CASTOR2: variants seen among roughly 807,000 people sequenced by gnomAD.
The protein encoded by CASTOR2 is GATS protein like 2.
CASTOR2 carries 8 observed loss-of-function variants against 31.2 expected under a neutral mutation model. That is an observed-to-expected ratio of 0.26 (90% CI 0.15 to 0.46). The LOEUF is 0.46. CASTOR2 is among the 20% of genes least tolerant of loss of function. The pLI is 0.99. For missense variants in CASTOR2, 216 were observed against 382.1 expected (o/e 0.57, Z 3.62); for synonymous variants, 162 against 158.7 (o/e 1.02, Z -0.16).
chr7:74,999,686 T>C (rs1804448932), intron 1 of CASTOR2, among the ~76,000 whole-genome samples: 1 of 142,502 alleles, frequency 7.0e-6, no homozygotes, highest in Admixed American at 7.5e-5. Context: ...GGCGTGATCT[T>C]GGCTCACTGC....
At chr7:74,988,156 G>A (rs1804117162) in intron 1 of CASTOR2, among the ~76,000 whole-genome samples, 1 of 150,708 alleles carries the variant, frequency 6.6e-6, no homozygotes, top group Admixed American at 6.6e-5. Context: ...TTGAGACGGA[G>A]TCTGGTTCTG....
intron 2 of CASTOR2, among the ~76,000 whole-genome samples, chr7:75,011,148 G>A (rs1226626806): frequency 6.6e-6 from 1 of 151,668 alleles, no homozygotes; most frequent in Non-Finnish European, 1.5e-5. Context: ...TAGCATTTTG[G>A]CCAGGCACAG....
intron 1 of CASTOR2, among the ~76,000 whole-genome samples, chr7:75,001,769 A>G (rs1275450683): frequency 6.6e-6 from 1 of 152,188 alleles, no homozygotes; most frequent in Non-Finnish European, 1.5e-5. Context: ...CTTGCTTCTG[A>G]GAGCTGTGGT....
chr7:75,018,554 G>A (rs1563063966), intron 4 of CASTOR2, among the ~76,000 whole-genome samples: 2 of 152,058 alleles, frequency 1.3e-5, no homozygotes, highest in Non-Finnish European at 2.9e-5. Flanking sequence ...AAAAAAAAAT[G>A]TGATGGAAAG....
chr7:75,003,042 C>G (rs1481621005), intron 1 of CASTOR2, among the ~76,000 whole-genome samples: 3 of 152,060 alleles, frequency 2.0e-5, no homozygotes, highest in Non-Finnish European at 4.4e-5. Flanking sequence ...GCCAACTGCC[C>G]GGCAATAGGG....
chr7:74,972,370 T>G (rs1330311771), intron 1 of CASTOR2, among the ~76,000 whole-genome samples: 1 of 150,158 alleles, frequency 6.7e-6, no homozygotes, highest in Admixed American at 6.7e-5. Context: ...TCCACCTGCC[T>G]TGGCCTCCCC....
chr7:74,993,970 C>T (rs1217145991), intron 1 of CASTOR2, among the ~76,000 whole-genome samples: 17 of 152,336 alleles, frequency 1.1e-4, no homozygotes, highest in African/African-American at 3.4e-4. Flanking sequence ...GTTGCTGGAA[C>T]GGGACTCTGG....
At position 74,993,117 on chromosome 7, in the gene CASTOR2, G is replaced by A. The variant is rs1188380042; in HGVS notation, c.114-14877G>A. Among the ~76,000 whole-genome samples the A allele has an allele frequency of 1.3e-4, 20 of 151,886 alleles. No homozygotes were observed. The East Asian group carries it at 1.4e-3, about 10-fold the overall frequency. ...CGGGAGGCTGAGGCAGGAGAATGGC[G>A]TGAACCCAGGAGGGGGATGTTGCAT... On this transcript the variant is annotated intron_variant, in intron 1 of 8. Coordinates refer to ENST00000616305, the MANE Select transcript of CASTOR2 (RefSeq NM_001145064.3).
rs1805187610 is a variant in CASTOR2, at chr7:75,028,076, G to T, written c.*3377G>T. ...GTCTTGGCGCTGGCGGATGGGGCAG[G>T]TGCCTGGCGGGGGAGGAAGAGGGCT... On this transcript the variant is annotated 3_prime_UTR_variant, in exon 9 of 9. Transcript: ENST00000616305. The T allele has an allele frequency of 6.5e-7, 1 of 1,532,514 alleles. No individual in the cohort carries two copies. The highest frequency in any genetic ancestry group is 1.4e-5 in the African/African-American group (1 of 72,750). 94.9% of individuals were successfully genotyped at this position (1,532,514 alleles called of 1,614,324 possible).
chr7:74,986,515 GA>G (rs1211723669), intron 1 of CASTOR2, among the ~76,000 whole-genome samples: 1 of 149,228 alleles, frequency 6.7e-6, no homozygotes, highest in Non-Finnish European at 1.5e-5. Flanking sequence ...GAAAAGAAAA[GA>G]AAAAAAAAGA....
At chr7:74,978,217 C>T (rs1418721159) in intron 1 of CASTOR2, among the ~76,000 whole-genome samples, 8 of 150,018 alleles carry the variant, frequency 5.3e-5, no homozygotes, top group African/African-American at 2.0e-4. Flanking sequence ...AATTCTGGTC[C>T]CTCAGCCTCC....
At position 75,025,696 on chromosome 7, in the gene CASTOR2, C is replaced by T. The variant is rs970590947; in HGVS notation, c.*997C>T. On this transcript the variant is annotated 3_prime_UTR_variant, in exon 9 of 9. Transcript: ENST00000616305. ...CATGAGTACTTGACCCAGGAGGCAG[C>T]TTAACTGAGCCTTAATAGAGAAAAC... 6.6e-6 allele frequency among the ~76,000 whole-genome samples: 1 copy of T among 152,382 alleles called. No homozygotes were observed. Among genetic ancestry groups the T allele is most frequent in the Admixed American group, 6.5e-5 (1 of 15,304 alleles).
chr7:74,985,836 G>C (rs1554436649), intron 1 of CASTOR2, among the ~76,000 whole-genome samples: 1 of 152,054 alleles, frequency 6.6e-6, no homozygotes, highest in East Asian at 1.9e-4. Context: ...TGGATACCTG[G>C]ATAGCTCTTT....
At chr7:74,981,445 T>C (rs1554436271) in intron 1 of CASTOR2, among the ~76,000 whole-genome samples, 2 of 146,240 alleles carry the variant, frequency 1.4e-5, no homozygotes. Flanking sequence ...CCTCCCAAAG[T>C]GCTGGGATTA....
intron 1 of CASTOR2, among the ~76,000 whole-genome samples, chr7:74,988,152 C>T (rs1421965207): frequency 4.6e-5 from 7 of 150,798 alleles, no homozygotes; most frequent in South Asian, 2.1e-4. Flanking sequence ...TTTTTTGAGA[C>T]GGAGTCTGGT....
At chr7:75,010,395 T>G (rs1230244282) in intron 2 of CASTOR2, among the ~76,000 whole-genome samples, 1 of 152,076 alleles carries the variant, frequency 6.6e-6, no homozygotes, top group East Asian at 1.9e-4. Context: ...GTTGTTGGGC[T>G]GGGTTAGGGC....
rs1805223775 is a variant in CASTOR2 at position 75,029,036 on chromosome 7, G to C, written c.*4337G>C. Among the ~76,000 whole-genome samples, 2 of 152,360 alleles carry C rather than the reference G, an allele frequency of 1.3e-5. No individual in the cohort carries two copies. The highest frequency in any genetic ancestry group is 4.1e-4 in the South Asian group (2 of 4,830). On this transcript the variant is annotated 3_prime_UTR_variant, in exon 9 of 9. Transcript: ENST00000616305. ...GGGTGACATTTGTTCAGCAGGAGGA[G>C]GCTTGGTCTGGAGGGGCTTGCCCCT...
Position 75,028,063 on chromosome 7 carries a change from G to A in CASTOR2, c.*3364G>A. 6.5e-7 allele frequency: 1 copy of A among 1,534,398 alleles called. No homozygotes were observed. Among genetic ancestry groups the A allele is most frequent in the Non-Finnish European group, 8.7e-7 (1 of 1,146,652 alleles). On this transcript the variant is annotated 3_prime_UTR_variant, in exon 9 of 9. Transcript: ENST00000616305. The stretch of plus-strand genomic sequence containing the variant: ...GAGTGGGCCTGTTGTCTTGGCGCTG[G>A]CGGATGGGGCAGGTGCCTGGCGGGG...
chr7:75,009,093 A>T (rs113950496), intron 2 of CASTOR2, among the ~76,000 whole-genome samples: 2 of 151,514 alleles, frequency 1.3e-5, no homozygotes, highest in African/African-American at 4.9e-5. Flanking sequence ...AGTAGCTGGG[A>T]TTACAGGTGC....
Sources: gnomAD v4.1 joint callset for allele counts (sites outside exome capture counted in the v4.1 genomes callset) on GRCh38, gnomAD v4.1.1 for gene constraint, MANE v1.5 for transcripts, NCBI Gene and HGNC (gene_info 2026-07-23, HGNC 2026-07-21) for gene names.